DAB1: variants seen among roughly 807,000 people sequenced by gnomAD.
The protein encoded by DAB1 is disabled homolog 1.
In DAB1, 15 loss-of-function variants were observed where a neutral mutation model predicts 64.6. That is an observed-to-expected ratio of 0.23 (90% CI 0.16 to 0.36). The LOEUF (loss-of-function observed/expected upper bound fraction) is 0.36, where lower values mean the gene tolerates loss of function less well. DAB1 is among the 10% of genes least tolerant of loss of function. The pLI is 1.00. For synonymous variants in DAB1, 235 were observed against 251.9 expected, an observed-to-expected ratio of 0.93 and a Z score of 0.64; for missense variants, 596 against 706.7, an observed-to-expected ratio of 0.84 and a Z score of 1.78.
intron 9 of DAB1, among the ~76,000 whole-genome samples, chr1:57,044,806 A>G (rs1355518923): frequency 6.6e-6 from 1 of 152,222 alleles, no homozygotes; most frequent in East Asian, 1.9e-4. Context: ...AGAGGAAGGA[A>G]TGGGTCACAG....
intron 3 of DAB1, among the ~76,000 whole-genome samples, chr1:58,357,092 T>A (rs1644119464): frequency 6.7e-6 from 1 of 148,914 alleles, no homozygotes; most frequent in Non-Finnish European, 1.5e-5. Context: ...TGTGAAGCCA[T>A]GGGAAGATTT....
intron 5 of DAB1, among the ~76,000 whole-genome samples, chr1:58,146,914 C>T (rs570380085): frequency 5.3e-5 from 8 of 152,198 alleles, no homozygotes; most frequent in African/African-American, 1.4e-4. Context: ...TACCTCACAC[C>T]TGTTAGGATG....
At chr1:57,360,253 T>A (rs1679441676) in intron 1 of DAB1, among the ~76,000 whole-genome samples, 2 of 151,886 alleles carry the variant, frequency 1.3e-5, no homozygotes, top group African/African-American at 2.4e-5. Context: ...GAAAAAAAAA[T>A]TTAAACTCCA....
chr1:57,223,088 C>T (rs1426274500), intron 2 of DAB1, among the ~76,000 whole-genome samples: 2 of 152,132 alleles, frequency 1.3e-5, no homozygotes, highest in Non-Finnish European at 2.9e-5. Context: ...AGATCTCCAC[C>T]AGCTGACATG....
chr1:58,420,558 C>T lies in DAB1; in HGVS notation n.258-77155G>A, dbSNP rs114432233. On this transcript the variant is annotated intron_variant and non_coding_transcript_variant, in intron 3 of 20. Coordinates refer to the DAB1 transcript ENST00000485760. ...TACAAGCTTACTGAATAAATACTTG[C>T]CACATCACACATCTGCTTGTCTCTA... Among the ~76,000 whole-genome samples, 360 of 152,308 alleles carry T rather than the reference C, an allele frequency of 2.4e-3. 2 individuals are homozygous for T. Among genetic ancestry groups the T allele is most frequent in the Admixed American group, 4.7e-3 (72 of 15,300 alleles).
At chr1:57,415,388 T>TG (rs986144859) in intron 1 of DAB1, among the ~76,000 whole-genome samples, 5 of 150,268 alleles carry the variant, frequency 3.3e-5, no homozygotes, top group African/African-American at 7.3e-5. Flanking sequence ...GACATCAGAG[T>TG]GGGAAAAAAA....
intron 1 of DAB1, among the ~76,000 whole-genome samples, chr1:57,387,927 A>C (rs1429711622): frequency 6.6e-6 from 1 of 151,808 alleles, no homozygotes; most frequent in East Asian, 1.9e-4. Flanking sequence ...AAGTGTCTTC[A>C]ACTACACCCA....
chr1:57,948,847 C>T (rs1292726465), intron 5 of DAB1, among the ~76,000 whole-genome samples: 2 of 152,126 alleles, frequency 1.3e-5, no homozygotes, highest in Non-Finnish European at 2.9e-5. Context: ...AGCCTTGGGT[C>T]TTTGTTTAGA....
chr1:57,962,702 T>TG (rs1309954293), intron 5 of DAB1, among the ~76,000 whole-genome samples: 1 of 150,274 alleles, frequency 6.7e-6, no homozygotes, highest in African/African-American at 2.4e-5. Flanking sequence ...TCTCTACAAT[T>TG]TTTTTTTTTA....
chr1:57,929,901 C>G (rs1644931392), intron 5 of DAB1, among the ~76,000 whole-genome samples: 1 of 152,188 alleles, frequency 6.6e-6, no homozygotes, highest in Non-Finnish European at 1.5e-5. Context: ...GAGGGATCCA[C>G]CCCCAGGACC....
At chr1:57,628,422 T>A (rs1469483479) in intron 7 of DAB1, among the ~76,000 whole-genome samples, 1 of 152,212 alleles carries the variant, frequency 6.6e-6, no homozygotes, top group African/African-American at 2.4e-5. Context: ...CCTTTTCCTG[T>A]CCAACTCATG....
At chr1:57,741,249 TCATTCCACAAA>T (rs1647977056) in intron 6 of DAB1, among the ~76,000 whole-genome samples, 1 of 152,196 alleles carries the variant, frequency 6.6e-6, no homozygotes, top group African/African-American at 2.4e-5. Flanking sequence ...TACTATTCCA[TCATTCCACAAA>T]TATCAATTAT....
At chr1:57,228,559 G>A (rs932762290) in intron 2 of DAB1, among the ~76,000 whole-genome samples, 2 of 152,164 alleles carry the variant, frequency 1.3e-5, no homozygotes, top group Non-Finnish European at 2.9e-5. Context: ...AAACTAAAAT[G>A]TGTGACAATA....
chr1:58,036,867 C>G (rs148608723), intron 5 of DAB1, among the ~76,000 whole-genome samples: 6 of 152,314 alleles, frequency 3.9e-5, no homozygotes, highest in South Asian at 4.1e-4. Flanking sequence ...CCTAGATACA[C>G]AGATGGATTA....
intron 9 of DAB1, among the ~76,000 whole-genome samples, chr1:57,034,148 C>A (rs1220171870): frequency 6.6e-6 from 1 of 152,060 alleles, no homozygotes; most frequent in Non-Finnish European, 1.5e-5. Context: ...GACGTGATGG[C>A]AGGCGCCTGT....
chr1:58,357,891 C>G (rs1644126505), intron 3 of DAB1, among the ~76,000 whole-genome samples: 3 of 152,146 alleles, frequency 2.0e-5, no homozygotes, highest in Admixed American at 2.0e-4. Flanking sequence ...TTCCATCCTC[C>G]CTGCCTTCCT....
At chr1:58,228,998 C>T in intron 4 of DAB1, 1 of 423,256 alleles carries the variant, frequency 2.4e-6, no homozygotes, top group Non-Finnish European at 4.6e-6. Context: ...AGCCCCTGTC[C>T]CACCTGGGGC....
At chr1:58,339,913 C>T (rs1663210562) in intron 4 of DAB1, among the ~76,000 whole-genome samples, 1 of 151,970 alleles carries the variant, frequency 6.6e-6, no homozygotes, top group Non-Finnish European at 1.5e-5. Flanking sequence ...ATGATTAGGC[C>T]AATATGTTTT....
At chr1:57,524,922 CAA>C (rs1558460703) in intron 7 of DAB1, among the ~76,000 whole-genome samples, 3 of 151,942 alleles carry the variant, frequency 2.0e-5, no homozygotes. Flanking sequence ...AAACTGCTCA[CAA>C]AGAATATGGA....
Sources: allele counts gnomAD v4.1 joint callset (sites outside exome capture counted in the v4.1 genomes callset), GRCh38; gene constraint gnomAD v4.1.1; transcripts MANE v1.5; gene names NCBI Gene and HGNC (gene_info 2026-07-23, HGNC 2026-07-21).